Variants in MINDY2 observed in about 807,000 individuals in gnomAD.
The protein encoded by MINDY2 is MINDY lysine 48 deubiquitinase 2.
MINDY2 carries 52 observed loss-of-function variants against 68.2 expected under a neutral mutation model. The ratio of observed to expected loss-of-function variants is 0.76; its 90% CI spans 0.61 to 0.96. The LOEUF is 0.96. Ranked by LOEUF, MINDY2 falls within the 40% of genes least tolerant of loss-of-function variation. The pLI is 0.00. For synonymous variants in MINDY2, 372 were observed against 303.0 expected, an observed-to-expected ratio of 1.23 and a Z score of -2.36; for missense variants, 881 against 773.4, an observed-to-expected ratio of 1.14 and a Z score of -1.65.
At chr15:58,805,657 A>G (rs1902958971) in intron 3 of MINDY2, among the ~76,000 whole-genome samples, 1 of 152,240 alleles carries the variant, frequency 6.6e-6, no homozygotes, top group Non-Finnish European at 1.5e-5. Flanking sequence ...ACCATAGCTC[A>G]CATTTATATT....
chr15:58,802,856 C>T (rs1902757016), intron 3 of MINDY2, among the ~76,000 whole-genome samples: 1 of 152,154 alleles, frequency 6.6e-6, no homozygotes, highest in South Asian at 2.1e-4. Flanking sequence ...TTTAGAGATC[C>T]TGTTCTGCAA....
intron 6 of MINDY2, among the ~76,000 whole-genome samples, chr15:58,834,123 C>T (rs781052905): frequency 3.9e-4 from 60 of 152,172 alleles, no homozygotes; most frequent in Non-Finnish European, 6.9e-4. Context: ...ATCCATTTAA[C>T]CCTTAGTTGA....
intron 7 of MINDY2, among the ~76,000 whole-genome samples, chr15:58,850,938 A>G (rs1250541281): frequency 6.6e-6 from 1 of 151,618 alleles, no homozygotes; most frequent in Admixed American, 6.6e-5. Flanking sequence ...CTGCCTATAT[A>G]TGGCTTCCAG....
At chr15:58,782,911 G>GGT (rs1901241798) in intron 1 of MINDY2, among the ~76,000 whole-genome samples, 1 of 64,470 alleles carries the variant, frequency 1.6e-5, no homozygotes, top group African/African-American at 5.9e-5. Flanking sequence ...TTTTCTCTCT[G>GGT]TTTTTTTTTT....
At chr15:58,847,261 T>G in intron 6 of MINDY2, 36 bp from the exon 7 acceptor site, 1 of 1,498,386 alleles carries the variant, frequency 6.7e-7, no homozygotes, top group Non-Finnish European at 9.0e-7. Flanking sequence ...TTTGATCAAT[T>G]TAACAGTCCT....
At chr15:58,810,163 C>A in intron 3 of MINDY2, 67 bp from the exon 4 acceptor site, 2 of 1,364,836 alleles carry the variant, frequency 1.5e-6, no homozygotes, top group Non-Finnish European at 2.0e-6. Context: ...TGTGCTTGTA[C>A]TTGAATATCT....
chr15:58,784,386 A>G (rs1331778901), intron 1 of MINDY2, among the ~76,000 whole-genome samples: 1 of 152,150 alleles, frequency 6.6e-6, no homozygotes, highest in African/African-American at 2.4e-5. Context: ...TTTATAGGGT[A>G]GGACATTTTC....
At chr15:58,804,410 G>C (rs1436035830) in intron 3 of MINDY2, among the ~76,000 whole-genome samples, 1 of 152,032 alleles carries the variant, frequency 6.6e-6, no homozygotes, top group Non-Finnish European at 1.5e-5. Context: ...TAAAATTAGG[G>C]ACTGCGGATG....
In MINDY2 at chr15:58,854,737, G is replaced by T; in HGVS notation, c.*127G>T. ...AATGGATTTTGTTCGTTTTTTCAGG[G>T]GAACGGTTGTTACTTAGTTACAATC... On this transcript the variant is annotated 3_prime_UTR_variant, in exon 9 of 9. Transcript: ENST00000559228. The T allele has an allele frequency of 8.9e-7, 1 of 1,117,950 alleles. No individual in the cohort carries two copies. The allele number at this position is 1,117,950 out of a possible 1,614,324, so 69.3% of individuals were successfully genotyped here. A position where few individuals can be genotyped will look rare whatever the true frequency, so the allele number is the denominator to read the frequency against.
chr15:58,852,939 T>G (rs1412466999), intron 8 of MINDY2, among the ~76,000 whole-genome samples: 979 of 32,772 alleles, frequency 0.03, 62 homozygotes, highest in African/African-American at 0.082. Flanking sequence ...TTTTTTTTTT[T>G]TTTTTTTTTT....
At chr15:58,780,091 A>G (rs1464678081) in intron 1 of MINDY2, among the ~76,000 whole-genome samples, 1 of 152,110 alleles carries the variant, frequency 6.6e-6, no homozygotes, top group Non-Finnish European at 1.5e-5. Flanking sequence ...TATGTAGACT[A>G]TTGTTCTTAT....
chr15:58,789,193 C>T (rs1292842348), intron 2 of MINDY2, among the ~76,000 whole-genome samples: 4 of 152,092 alleles, frequency 2.6e-5, no homozygotes, highest in Admixed American at 6.6e-5. Flanking sequence ...AAAAAATTAG[C>T]TGGGCATGGT....
chr15:58,840,859 G>C (rs1466311655), intron 6 of MINDY2, among the ~76,000 whole-genome samples: 2 of 145,862 alleles, frequency 1.4e-5, no homozygotes, highest in Non-Finnish European at 3.0e-5. Flanking sequence ...TAGTAGAGAT[G>C]GGTTTTCACC....
At chr15:58,842,254 T>G (rs543726956) in intron 6 of MINDY2, among the ~76,000 whole-genome samples, 42 of 152,154 alleles carry the variant, frequency 2.8e-4, no homozygotes, top group Non-Finnish European at 5.0e-4. Context: ...GTTGGTTGTT[T>G]TGTTGTTGTT....
chr15:58,825,294 T>C (rs1253347134), intron 5 of MINDY2, among the ~76,000 whole-genome samples: 3 of 152,234 alleles, frequency 2.0e-5, no homozygotes, highest in African/African-American at 7.2e-5. Flanking sequence ...CTTTCCTTGA[T>C]TCTAATGCCT....
At chr15:58,839,346 T>TTTGTTTGTTTG (rs1567071324) in intron 6 of MINDY2, among the ~76,000 whole-genome samples, 952 of 87,486 alleles carry the variant, frequency 0.011, 11 homozygotes, top group African/African-American at 0.045. Flanking sequence ...TTGTTTGTTT[T>TTTGTTTGTTTG]TTTGAGATGA....
intron 3 of MINDY2, among the ~76,000 whole-genome samples, chr15:58,807,034 TA>T (rs1903062132): frequency 6.6e-6 from 1 of 152,236 alleles, no homozygotes; most frequent in African/African-American, 2.4e-5. Flanking sequence ...AATGGAATTT[TA>T]TGAATTATTT....
intron 4 of MINDY2, among the ~76,000 whole-genome samples, chr15:58,817,904 A>G (rs1182378928): frequency 2.0e-5 from 3 of 152,188 alleles, no homozygotes; most frequent in Non-Finnish European, 4.4e-5. Context: ...TTGGCAAGGC[A>G]TACACTCTTG....
At chr15:58,845,559 A>C (rs1331488739) in intron 6 of MINDY2, among the ~76,000 whole-genome samples, 1 of 152,200 alleles carries the variant, frequency 6.6e-6, no homozygotes, top group African/African-American at 2.4e-5. Flanking sequence ...AATGTTGGTG[A>C]GGATATGGAG....
Sources: gnomAD v4.1 joint callset for allele counts (sites outside exome capture counted in the v4.1 genomes callset) on GRCh38, gnomAD v4.1.1 for gene constraint, MANE v1.5 for transcripts, NCBI Gene and HGNC (gene_info 2026-07-23, HGNC 2026-07-21) for gene names.